The following CBFA2T2 variants were observed in gnomAD, a reference collection of about 807,000 sequenced individuals.
CBFA2T2 encodes the protein protein CBFA2T2.
In CBFA2T2, 11 loss-of-function variants were observed where a neutral mutation model predicts 62.2. The ratio of observed to expected loss-of-function variants is 0.18; its 90% CI spans 0.11 to 0.29. The LOEUF is 0.29. Among genes scored for constraint, CBFA2T2 ranks in the 10% least tolerant of loss-of-function variants. CBFA2T2 has a pLI of 1.00. For synonymous variants in CBFA2T2, 295 were observed against 287.5 expected (o/e 1.03, Z -0.27); for missense variants, 592 against 774.1 (o/e 0.76, Z 2.79).
At chr20:33,589,922 A>G (rs1056239294) in intron 1 of CBFA2T2, among the ~76,000 whole-genome samples, 8 of 152,186 alleles carry the variant, frequency 5.3e-5, no homozygotes, top group African/African-American at 1.7e-4. Context: ...TTATAAAATT[A>G]TTAATGAGCT....
chr20:33,608,321 A>G (rs2015410073), intron 2 of CBFA2T2, among the ~76,000 whole-genome samples: 1 of 152,250 alleles, frequency 6.6e-6, no homozygotes, highest in Non-Finnish European at 1.5e-5. Flanking sequence ...AAAAAGTGTC[A>G]GAGCACTGAG....
At chr20:33,585,663 C>T (rs946845311) in intron 1 of CBFA2T2, among the ~76,000 whole-genome samples, 2 of 152,122 alleles carry the variant, frequency 1.3e-5, no homozygotes, top group Admixed American at 1.3e-4. Flanking sequence ...TATTTTTTAA[C>T]CTCACTAATT....
At chr20:33,606,878 A>C (rs930111234) in intron 1 of CBFA2T2, 78 bp from the exon 2 acceptor site, 3 of 1,386,848 alleles carry the variant, frequency 2.2e-6, no homozygotes, top group Non-Finnish European at 3.0e-6. Flanking sequence ...CTAGGGAAGT[A>C]TGTTGGTATT....
At chr20:33,541,346 AT>A (rs2012405397) in intron 1 of CBFA2T2, among the ~76,000 whole-genome samples, 1 of 152,228 alleles carries the variant, frequency 6.6e-6, no homozygotes, top group Non-Finnish European at 1.5e-5. Flanking sequence ...GGGAATGTGA[AT>A]GGAAATCCAT....
intron 1 of CBFA2T2, among the ~76,000 whole-genome samples, chr20:33,537,294 G>A (rs1048836422): frequency 1.3e-5 from 2 of 152,240 alleles, no homozygotes; most frequent in African/African-American, 4.8e-5. Context: ...AGACCAGCCC[G>A]GCCAACACAG....
chr20:33,527,701 T>C (rs2011929388), intron 1 of CBFA2T2, among the ~76,000 whole-genome samples: 1 of 151,468 alleles, frequency 6.6e-6, no homozygotes, highest in South Asian at 2.1e-4. Context: ...TCTTTTCTTT[T>C]CTTTTTTTTT....
intron 1 of CBFA2T2, among the ~76,000 whole-genome samples, chr20:33,521,224 A>G (rs1283062591): frequency 6.6e-6 from 1 of 152,174 alleles, no homozygotes; most frequent in Non-Finnish European, 1.5e-5. Context: ...TTGTATTGAC[A>G]CTACCATGCT....
intron 1 of CBFA2T2, among the ~76,000 whole-genome samples, chr20:33,501,215 T>C (rs2011273775): frequency 6.6e-6 from 1 of 152,232 alleles, no homozygotes; most frequent in Non-Finnish European, 1.5e-5. Context: ...ATGTGACCTC[T>C]GTAGCAGCTC....
At chr20:33,514,563 T>C (rs2011568350) in intron 1 of CBFA2T2, among the ~76,000 whole-genome samples, 1 of 151,936 alleles carries the variant, frequency 6.6e-6, no homozygotes, top group African/African-American at 2.4e-5. Flanking sequence ...GGGAGGTAGA[T>C]GGGGGCCAGA....
intron 10 of CBFA2T2, among the ~76,000 whole-genome samples, chr20:33,642,116 T>TTTTTG (rs1313728159): frequency 1.7e-5 from 1 of 59,012 alleles, no homozygotes; most frequent in Non-Finnish European, 3.6e-5. Flanking sequence ...TTTTTTTTTT[T>TTTTTG]TGTGTGTGTG....
intron 1 of CBFA2T2, among the ~76,000 whole-genome samples, chr20:33,493,218 G>A (rs1189814823): frequency 1.3e-5 from 2 of 151,724 alleles, no homozygotes; most frequent in African/African-American, 2.4e-5. Flanking sequence ...TGGTATTACA[G>A]GTGCGTGCCA....
At chr20:33,587,703 A>T (rs1014485619) in intron 1 of CBFA2T2, among the ~76,000 whole-genome samples, 2 of 152,210 alleles carry the variant, frequency 1.3e-5, no homozygotes, top group South Asian at 4.1e-4. Flanking sequence ...CCAGCCCCGT[A>T]CCCAGTTTTA....
chr20:33,590,192 G>C (rs913237973), intron 1 of CBFA2T2, among the ~76,000 whole-genome samples: 3 of 151,270 alleles, frequency 2.0e-5, no homozygotes, highest in African/African-American at 7.3e-5. Flanking sequence ...GCTGCAGTGA[G>C]CCTAGGTTAT....
chr20:33,620,594 C>T (rs925167139), intron 4 of CBFA2T2, among the ~76,000 whole-genome samples: 8 of 152,108 alleles, frequency 5.3e-5, no homozygotes, highest in African/African-American at 1.4e-4. Context: ...AATCCATGCA[C>T]GTTGGGAGGC....
At chr20:33,513,353 GTTTTTTTTTT>G (rs2011542264) in intron 1 of CBFA2T2, among the ~76,000 whole-genome samples, 1 of 147,278 alleles carries the variant, frequency 6.8e-6, no homozygotes, top group African/African-American at 2.5e-5. Context: ...GGGTTTTTTT[GTTTTTTTTTT>G]GGTTTTTTTT....
At chr20:33,520,405 A>G (rs999545248) in intron 1 of CBFA2T2, among the ~76,000 whole-genome samples, 2 of 152,156 alleles carry the variant, frequency 1.3e-5, no homozygotes, top group Non-Finnish European at 2.9e-5. Context: ...AAGCTCTCAT[A>G]TCTGTATATT....
At chr20:33,597,155 C>T (rs968736919) in intron 1 of CBFA2T2, among the ~76,000 whole-genome samples, 1 of 151,934 alleles carries the variant, frequency 6.6e-6, no homozygotes, top group Non-Finnish European at 1.5e-5. Context: ...TGGTCTCAAA[C>T]TCTGGACTCA....
At chr20:33,590,384 G>A (rs1041785990) in intron 1 of CBFA2T2, among the ~76,000 whole-genome samples, 15 of 152,002 alleles carry the variant, frequency 9.9e-5, no homozygotes, top group African/African-American at 3.6e-4. Context: ...TTAATTAGCG[G>A]CAACTCTTAG....
chr20:33,565,024 A>G (rs911749092), intron 1 of CBFA2T2, among the ~76,000 whole-genome samples: 3 of 151,800 alleles, frequency 2.0e-5, no homozygotes, highest in Non-Finnish European at 4.4e-5. Context: ...GGTTCATGCT[A>G]TTCTCCTGCC....
Sources: allele counts gnomAD v4.1 joint callset (sites outside exome capture counted in the v4.1 genomes callset), GRCh38; gene constraint gnomAD v4.1.1; transcripts MANE v1.5; gene names NCBI Gene and HGNC (gene_info 2026-07-23, HGNC 2026-07-21).